VWF: variants seen among roughly 807,000 people sequenced by gnomAD.
The protein encoded by VWF is von Willebrand factor.
Under a neutral mutation model 308.6 loss-of-function variants are expected in VWF, and 176 were observed. That is an observed-to-expected ratio of 0.57 (90% CI 0.50 to 0.65). VWF has a LOEUF of 0.65. VWF is among the 30% of genes least tolerant of loss of function. The probability of loss-of-function intolerance (pLI) is 0.00; values close to 1 mark genes in which losing one functional copy is unlikely to be tolerated. For missense variants in VWF, 3,146 were observed against 3,648.2 expected, an observed-to-expected ratio of 0.86 and a Z score of 3.55; for synonymous variants, 1,385 against 1,443.4, an observed-to-expected ratio of 0.96 and a Z score of 0.92.
intron 42 of VWF, among the ~76,000 whole-genome samples, chr12:5,980,158 T>TGAGGGAGGGAGGGAGG (rs1173781906): frequency 4.1e-5 from 1 of 24,456 alleles, no homozygotes; most frequent in African/African-American, 1.4e-4. Context: ...AGGGAGGGAG[T>TGAGGGAGGGAGGGAGG]GAGGGAGGGA....
Position 6,075,377 on chromosome 12 carries a change from C to T in VWF, c.832G>A (p.Glu278Lys), listed in dbSNP as rs767897472. 2.5e-6 allele frequency: 4 copies of T among 1,614,048 alleles called. No homozygotes were observed. In the African/African-American group the frequency reaches 5.3e-5, roughly 22 times the overall value. The change falls in exon 7 of 52, where the codon GAG (glutamate) becomes AAG (lysine). Residue 278 changes from glutamate to lysine, a missense_variant. Around this residue, in one of 3 missense-constraint regions of VWF, gnomAD observed 1,304 missense variants for 1,353.0 expected, o/e 0.96. Transcript: ENST00000261405. This position sits in a 1 kb window ranked among gnomAD's most constrained non-coding sequence, Gnocchi z 4.7. ...LLEYARTCAQ[E>K]GMVLYGWTDH... ...GTCCAGCCGTACAGCACCATTCCCT[C>T]CTGGGCACAGGTCCGGGCGTACTCC...
chr12:6,099,475 A>G (rs77393932), intron 5 of VWF, among the ~76,000 whole-genome samples: 2,429 of 152,284 alleles, frequency 0.016, 63 homozygotes, highest in African/African-American at 0.055. Flanking sequence ...TATAAGATTT[A>G]GTAACTCCAT....
chr12:6,058,059 A>G lies in VWF; in HGVS notation c.1534-15T>C. On this transcript the variant is annotated splice_polypyrimidine_tract_variant and intron_variant, in intron 13 of 51. Transcript: ENST00000261405. The surrounding 1 kb of genome is among the most constrained non-coding windows in gnomAD (Gnocchi z 4.9). The stretch of plus-strand genomic sequence containing the variant: ...ACGGGGGACAGCTGCAGGAGAGACC[A>G]GGCCACTCTGGAGCCGCTGCCGCGA... The G allele has an allele frequency of 6.2e-7, 1 of 1,612,826 alleles. No homozygotes were observed. The highest frequency in any genetic ancestry group is 2.2e-5 in the East Asian group (1 of 44,872).
rs759914522 is a variant in VWF at position 5,952,421 on chromosome 12, G to A, written c.8085C>T (p.Pro2695=). ...FWEKRVTGCP[P]FDEHKCLAEG... ...CAGCCAGACACTTGTGTTCATCAAA[G>A]GGTGGGCAGCCTGTGACCCTCTTCT... Residue 2695 remains proline (P), a synonymous_variant, in exon 49 of 52, where the codon CCC becomes CCT. Transcript: ENST00000261405. 1 of 1,614,086 alleles carries A rather than the reference G, an allele frequency of 6.2e-7. No individual in the cohort carries two copies. Among genetic ancestry groups the A allele is most frequent in the Non-Finnish European group, 8.5e-7 (1 of 1,179,954 alleles).
Position 6,039,643 on chromosome 12 carries a change from G to T in VWF, c.2443-3152C>A, listed in dbSNP as rs114313097. Among the ~76,000 whole-genome samples, 456 of 152,236 alleles carry T rather than the reference G, an allele frequency of 3.0e-3. 3 individuals carry two copies. Among genetic ancestry groups the T allele is most frequent in the African/African-American group, 0.01 (432 of 41,526 alleles). On this transcript the variant is annotated intron_variant, in intron 18 of 51. Coordinates refer to ENST00000261405, the MANE Select transcript of VWF (RefSeq NM_000552.5). ...ATTTTTGCTTATTATATTTCAGTAA[G>T]CCCGACTGAGTGACAAATCATGGAC... is the stretch of plus-strand genomic sequence containing the variant.
chr12:6,072,303 C>A (rs1198571150), intron 9 of VWF, 28 bp downstream of exon 9: 1 of 1,609,470 alleles, frequency 6.2e-7, no homozygotes, highest in South Asian at 1.1e-5. Flanking sequence ...GGCAGGTCTC[C>A]CAGAGCACGC....
intron 18 of VWF, among the ~76,000 whole-genome samples, chr12:6,042,633 C>T (rs534905880): frequency 6.6e-6 from 1 of 152,324 alleles, no homozygotes; most frequent in East Asian, 1.9e-4. Flanking sequence ...CGAGTCACCT[C>T]GTCACGTGAC....
intron 5 of VWF, among the ~76,000 whole-genome samples, chr12:6,107,562 T>A (rs1945256797): frequency 6.6e-6 from 1 of 152,176 alleles, no homozygotes; most frequent in African/African-American, 2.4e-5. Flanking sequence ...AAAGGTGGAA[T>A]AGCTATACTA....
chr12:6,036,237 A>T lies in VWF; in HGVS notation c.2546+151T>A, dbSNP rs966682404. ...ATGAAAAAGATTCTCCCCATTTTAC[A>T]GATGGAGAAACACAGGCACGGAGGA... On this transcript the variant is annotated intron_variant, in intron 19 of 51. Transcript: ENST00000261405. 4.3e-6 allele frequency: 3 copies of T among 704,882 alleles called. No individual in the cohort carries two copies. The African/African-American group carries it at 5.3e-5, about 12-fold the overall frequency. 43.7% of individuals were successfully genotyped at this position (704,882 alleles called of 1,614,324 possible). A position where few individuals can be genotyped will look rare whatever the true frequency, so the allele number is the denominator to read the frequency against.
At chr12:5,972,593 C>T (rs573809685) in intron 43 of VWF, among the ~76,000 whole-genome samples, 7 of 152,296 alleles carry the variant, frequency 4.6e-5, no homozygotes, top group East Asian at 1.9e-4. Flanking sequence ...ATGCACAACA[C>T]GTGTGCCTCT....
chr12:6,046,852 G>A lies in VWF; in HGVS notation c.2187-35C>T. On this transcript the variant is annotated intron_variant, in intron 16 of 51. Transcript: ENST00000261405. This position sits in a 1 kb window ranked among gnomAD's most constrained non-coding sequence, Gnocchi z 5.0. The stretch of plus-strand genomic sequence containing the variant: ...AGAAAATCATAGCCGAGCTTCACGA[G>A]ACTCGTCTATACTCGCTGCCTCCAC... 6.3e-7 allele frequency: 1 copy of A among 1,593,284 alleles called. No homozygotes were observed. Among genetic ancestry groups the A allele is most frequent in the Non-Finnish European group, 8.6e-7 (1 of 1,163,266 alleles).
intron 19 of VWF, among the ~76,000 whole-genome samples, chr12:6,036,175 C>A (rs1391788794): frequency 6.6e-6 from 1 of 152,206 alleles, no homozygotes; most frequent in Non-Finnish European, 1.5e-5. Context: ...ACTGTACTAA[C>A]CTGTTGAATA....
At chr12:6,108,801 G>A (rs1813501933) in intron 5 of VWF, among the ~76,000 whole-genome samples, 1 of 151,952 alleles carries the variant, frequency 6.6e-6, no homozygotes, top group Admixed American at 6.6e-5. Flanking sequence ...CTAACACAGT[G>A]AAACCCTGTC....
At chr12:6,064,209 G>C (rs748946269) in intron 12 of VWF, 37 bp downstream of exon 12, 1 of 1,613,840 alleles carries the variant, frequency 6.2e-7, no homozygotes, top group South Asian at 1.1e-5. Context: ...GATGGGCTGT[G>C]CCAGCCCCAG....
intron 44 of VWF, 127 bp from the exon 45 acceptor site, chr12:5,969,518 AC>A: frequency 8.8e-7 from 1 of 1,134,282 alleles, no homozygotes; most frequent in Non-Finnish European, 1.3e-6. Context: ...TGTAAGTCCC[AC>A]CACAGGGTAG....
At chr12:6,016,305 T>C in intron 30 of VWF, 73 bp from the exon 31 acceptor site, 2 of 1,606,456 alleles carry the variant, frequency 1.2e-6, no homozygotes, top group African/African-American at 2.7e-5. Flanking sequence ...CGGTGGATCC[T>C]TAAGTCACTT....
chr12:5,993,472 C>T (rs1400901323), intron 37 of VWF, among the ~76,000 whole-genome samples: 1 of 152,112 alleles, frequency 6.6e-6, no homozygotes, highest in East Asian at 1.9e-4. Context: ...ATTTCAAATT[C>T]AATGTGACTG....
At chr12:5,976,290 C>A in intron 42 of VWF, 30 bp from the exon 43 acceptor site, 1 of 1,614,024 alleles carries the variant, frequency 6.2e-7, no homozygotes, top group Non-Finnish European at 8.5e-7. Context: ...TGAGTGAACT[C>A]ATTTGTTTCA....
intron 25 of VWF, among the ~76,000 whole-genome samples, chr12:6,023,202 A>G (rs397833262): frequency 1.3e-5 from 2 of 152,194 alleles, no homozygotes; most frequent in Non-Finnish European, 2.9e-5. Context: ...GATTACAGGT[A>G]TGAGTCACTG....
Sources: gnomAD v4.1 joint callset for allele counts (sites outside exome capture counted in the v4.1 genomes callset) on GRCh38, gnomAD v4.1.1 for gene constraint, gnomAD v4.1.1 regional missense constraint, Gnocchi (gnomAD v3.1) non-coding constraint, MANE v1.5 for transcripts, NCBI Gene and HGNC (gene_info 2026-07-23, HGNC 2026-07-21) for gene names.